Variants in CFTR observed in about 807,000 individuals in gnomAD.
CFTR encodes the protein CF transmembrane conductance regulator.
In CFTR, 181 loss-of-function variants were observed where a neutral mutation model predicts 171.6. That is an observed-to-expected ratio of 1.05 (90% confidence interval 0.93 to 1.19). The LOEUF is 1.19. Among genes scored for constraint, CFTR ranks in the 50% most tolerant of loss-of-function variants. CFTR has a pLI of 0.00. For synonymous variants in CFTR, 583 were observed against 608.0 expected (o/e 0.96, Z 0.60); for missense variants, 1,968 against 1,734.7 (o/e 1.13, Z -2.39).
chr7:117,622,043 T>G (rs576263932), intron 21 of CFTR, among the ~76,000 whole-genome samples: 1 of 152,342 alleles, frequency 6.6e-6, no homozygotes, highest in African/African-American at 2.4e-5. Context: ...CTCTGTCACT[T>G]CTGATAGAAA....
At chr7:117,562,908 G>T (rs955475316) in intron 11 of CFTR, among the ~76,000 whole-genome samples, 4 of 152,050 alleles carry the variant, frequency 2.6e-5, no homozygotes, top group East Asian at 3.9e-4. Context: ...GTTGGTGCAG[G>T]GTATCATCAG....
chr7:117,658,957 A>C (rs1793223002), intron 24 of CFTR, among the ~76,000 whole-genome samples: 1 of 152,070 alleles, frequency 6.6e-6, no homozygotes, highest in Non-Finnish European at 1.5e-5. Flanking sequence ...TTCTGGACTA[A>C]GTCCACACTG....
chr7:117,488,297 A>T (rs576474415), intron 1 of CFTR, among the ~76,000 whole-genome samples: 8 of 152,230 alleles, frequency 5.3e-5, no homozygotes, highest in African/African-American at 1.9e-4. Flanking sequence ...GCTTTAAAAG[A>T]TACAGTTTTT....
At chr7:117,506,861 T>A (rs1445281963) in intron 2 of CFTR, among the ~76,000 whole-genome samples, 5 of 152,212 alleles carry the variant, frequency 3.3e-5, no homozygotes, top group African/African-American at 9.6e-5. Context: ...AAATTGGTAT[T>A]TGAAATTTAT....
intron 22 of CFTR, among the ~76,000 whole-genome samples, chr7:117,630,279 G>A (rs1410556089): frequency 6.6e-6 from 1 of 152,166 alleles, no homozygotes; most frequent in East Asian, 1.9e-4. Context: ...AGATATCCAG[G>A]TAAATGCTAT....
chr7:117,567,580 A>G (rs1242673463), intron 11 of CFTR, among the ~76,000 whole-genome samples: 3 of 152,202 alleles, frequency 2.0e-5, no homozygotes, highest in Admixed American at 2.0e-4. Context: ...TTCAATAAAT[A>G]TTTGTTGAGT....
At chr7:117,663,509 T>TAAAAAA (rs71148372) in intron 24 of CFTR, among the ~76,000 whole-genome samples, 1 of 124,422 alleles carries the variant, frequency 8.0e-6, no homozygotes. Flanking sequence ...CTTGTCCAGC[T>TAAAAAA]AAAAAAAAAA....
intron 20 of CFTR, among the ~76,000 whole-genome samples, chr7:117,612,046 T>TAC (rs1268763828): frequency 1.3e-5 from 1 of 74,256 alleles, no homozygotes; most frequent in African/African-American, 6.2e-5. Flanking sequence ...TATATATATA[T>TAC]ATATATACAT....
At chr7:117,634,493 T>C (rs561019338) in intron 22 of CFTR, among the ~76,000 whole-genome samples, 1 of 152,100 alleles carries the variant, frequency 6.6e-6, no homozygotes, top group African/African-American at 2.4e-5. Context: ...ATTTTTAAAT[T>C]ATGCTTACAT....
intron 26 of CFTR, among the ~76,000 whole-genome samples, 178 bp from the exon 27 acceptor site, chr7:117,666,730 C>T (rs1793382020): frequency 6.6e-6 from 1 of 152,178 alleles, no homozygotes; most frequent in Admixed American, 6.5e-5. Context: ...GATGGTAGAA[C>T]CTCCTTAGAG....
In CFTR at chr7:117,592,596, G is replaced by A; in HGVS notation, c.2429G>A (p.Arg810Lys). The A allele has an allele frequency of 6.5e-7, 1 of 1,527,360 alleles. No individual in the cohort carries two copies. The allele number at this position is 1,527,360 out of a possible 1,614,324, so 94.6% of individuals were successfully genotyped here. Reference protein sequence around the residue: ...ANLTELDIYSRRLSQETGLEI... With the variant: ...ANLTELDIYSKRLSQETGLEI... ...TTGACTGAACTGGATATATATTCAA[G>A]AAGGTTATCTCAAGAAACTGGCTTG... Residue 810 changes from arginine (R) to lysine (K), a missense_variant, in exon 14 of 27, where the codon AGA becomes AAA. Physicochemically the swap from Arg to Lys is conservative, Grantham distance 26. Transcript: ENST00000003084.
intron 11 of CFTR, among the ~76,000 whole-genome samples, chr7:117,584,469 A>G (rs1410508542): frequency 6.6e-6 from 1 of 152,144 alleles, no homozygotes; most frequent in African/African-American, 2.4e-5. Context: ...TTTGTCAAAG[A>G]TCAGTTGACT....
rs1273724272 is a variant in CFTR at position 117,592,066 on chromosome 7, C to T, written c.1899C>T (p.Leu633=). 6.2e-7 allele frequency: 1 copy of T among 1,610,064 alleles called. No homozygotes were observed. The highest frequency in any genetic ancestry group is 8.5e-7 in the Non-Finnish European group (1 of 1,178,502). Residue 633 remains leucine (L), a synonymous_variant, in exon 14 of 27, where the codon CTC becomes CTT. Transcript: ENST00000003084. ...SSYFYGTFSE[L]QNLQPDFSSK... is the part of the protein sequence containing the mutation. ...ATTTTTATGGGACATTTTCAGAACT[C>T]CAAAATCTACAGCCAGACTTTAGCT...
intron 24 of CFTR, among the ~76,000 whole-genome samples, chr7:117,653,624 CG>C (rs750789828): frequency 2.6e-5 from 4 of 151,842 alleles, no homozygotes; most frequent in Admixed American, 6.6e-5. Flanking sequence ...GAGGAGGTGG[CG>C]GGGGGGACAC....
rs397508278 is a variant in CFTR at position 117,590,380 on chromosome 7, T to C, written c.1707T>C (p.Tyr569=). ...CAGTATACAAAGATGCTGATTTGTA[T>C]TTATTAGACTCTCCTTTTGGATACC... ...ARAVYKDADL[Y]LLDSPFGYLD... The change falls in exon 13 of 27, where the codon TAT becomes TAC. Residue 569 remains tyrosine, a synonymous_variant. Coordinates refer to ENST00000003084, the MANE Select transcript of CFTR (RefSeq NM_000492.4). The C allele has an allele frequency of 1.9e-6, 3 of 1,603,684 alleles. No homozygotes were observed. The Admixed American group carries it at 5.0e-5, about 27-fold the overall frequency.
chr7:117,550,670 C>A (rs1254562801), intron 10 of CFTR, among the ~76,000 whole-genome samples: 63 of 152,234 alleles, frequency 4.1e-4, no homozygotes, highest in African/African-American at 1.5e-3. Flanking sequence ...AAGATCAATT[C>A]TATGATAGAT....
In CFTR at chr7:117,667,207, G is replaced by A. The variant is rs1214057546; in HGVS notation, c.*99G>A. On this transcript the variant is annotated 3_prime_UTR_variant, in exon 27 of 27. Coordinates refer to ENST00000003084, the MANE Select transcript of CFTR (RefSeq NM_000492.4). The stretch of plus-strand genomic sequence containing the variant: ...TGGAGCTCGTGGAACAGTTACCTCT[G>A]CCTCAGAAAACAAGGATGAATTAAG... 7.3e-6 allele frequency: 8 copies of A among 1,093,492 alleles called. No homozygotes were observed. The South Asian group carries it at 9.3e-5, about 13-fold the overall frequency. The allele number at this position is 1,093,492 out of a possible 1,614,324, so 67.7% of individuals were successfully genotyped here. A position where few individuals can be genotyped will look rare whatever the true frequency, so the allele number is the denominator to read the frequency against.
chr7:117,561,658 T>A (rs1799467169), intron 11 of CFTR, among the ~76,000 whole-genome samples: 2 of 152,184 alleles, frequency 1.3e-5, no homozygotes, highest in African/African-American at 4.8e-5. Context: ...CTTGCTTTAT[T>A]TTATACAGTG....
rs185329210 is a variant in CFTR, at chr7:117,624,968, G to A, written c.3469-2554G>A. ...GAGGTACTGGAGGTAGAATATCCAAGGTGGAAAGCCCACGACTACAAGGAA... is the reference window on the plus strand; with the variant it reads ...GAGGTACTGGAGGTAGAATATCCAAAGTGGAAAGCCCACGACTACAAGGAA... On this transcript the variant is annotated intron_variant, in intron 21 of 26. Transcript: ENST00000003084. 8.5e-5 allele frequency among the ~76,000 whole-genome samples: 13 copies of A among 152,240 alleles called. No homozygotes were observed. The East Asian group carries it at 2.5e-3, about 29-fold the overall frequency.
Sources: allele counts gnomAD v4.1 joint callset (sites outside exome capture counted in the v4.1 genomes callset), GRCh38; gene constraint gnomAD v4.1.1; transcripts MANE v1.5; gene names NCBI Gene and HGNC (gene_info 2026-07-23, HGNC 2026-07-21).